The following CSMD1 variants were observed in gnomAD, a reference collection of about 807,000 sequenced individuals.
CSMD1 encodes CUB and sushi domain-containing protein 1.
CSMD1 carries 213 observed loss-of-function variants against 417.5 expected under a neutral mutation model. That is an observed-to-expected ratio of 0.51 (90% CI 0.46 to 0.57). The LOEUF (loss-of-function observed/expected upper bound fraction) is 0.57. Ranked by LOEUF, CSMD1 falls within the 20% of genes least tolerant of loss-of-function variation. The pLI is 0.00. For synonymous variants in CSMD1, 2,862 were observed against 1,736.8 expected, an observed-to-expected ratio of 1.65 and a Z score of -16.11; for missense variants, 6,923 against 4,529.7, an observed-to-expected ratio of 1.53 and a Z score of -15.17.
intron 3 of CSMD1, among the ~76,000 whole-genome samples, chr8:4,409,694 A>G (rs1213838971): frequency 6.6e-6 from 1 of 150,890 alleles, no homozygotes; most frequent in African/African-American, 2.4e-5. Flanking sequence ...GACAAAGCAC[A>G]GAGAAGGAGA....
intron 2 of CSMD1, among the ~76,000 whole-genome samples, chr8:4,504,817 A>AT (rs1342936385): frequency 6.6e-6 from 1 of 151,994 alleles, no homozygotes; most frequent in African/African-American, 2.4e-5. Flanking sequence ...TGAACTCATT[A>AT]TTTTTTATGG....
chr8:3,567,770 C>T (rs1046414511), intron 10 of CSMD1, among the ~76,000 whole-genome samples: 1 of 152,176 alleles, frequency 6.6e-6, no homozygotes, highest in Non-Finnish European at 1.5e-5. Flanking sequence ...GCCCCCTTCC[C>T]TCACACCCTC....
At chr8:4,220,356 A>G (rs1417629720) in intron 3 of CSMD1, among the ~76,000 whole-genome samples, 1 of 152,198 alleles carries the variant, frequency 6.6e-6, no homozygotes, top group African/African-American at 2.4e-5. Context: ...AGCAGGAAAG[A>G]GGACCACACC....
At chr8:3,382,117 G>T (rs1039273042) in intron 18 of CSMD1, among the ~76,000 whole-genome samples, 21 of 152,032 alleles carry the variant, frequency 1.4e-4, no homozygotes, top group South Asian at 8.3e-4. Flanking sequence ...AAATTAGCTG[G>T]GCATGGTGGT....
intron 3 of CSMD1, among the ~76,000 whole-genome samples, chr8:4,280,763 C>G: frequency 6.6e-6 from 1 of 152,230 alleles, no homozygotes. Flanking sequence ...TTTTTAAAAA[C>G]ATGTTACTAT....
At chr8:4,869,784 C>A (rs1191134737) in intron 1 of CSMD1, among the ~76,000 whole-genome samples, 1 of 152,034 alleles carries the variant, frequency 6.6e-6, no homozygotes, top group African/African-American at 2.4e-5. Context: ...ACTTACACAT[C>A]TGTTTCTTTA....
At chr8:3,550,641 CCTTT>C (rs1798870451) in intron 10 of CSMD1, among the ~76,000 whole-genome samples, 1 of 152,172 alleles carries the variant, frequency 6.6e-6, no homozygotes, top group Non-Finnish European at 1.5e-5. Context: ...AGTGCTGTTT[CCTTT>C]CTTACTGGTT....
chr8:2,945,794 C>A (rs1802191809), intron 68 of CSMD1, among the ~76,000 whole-genome samples: 1 of 152,002 alleles, frequency 6.6e-6, no homozygotes, highest in African/African-American at 2.4e-5. Flanking sequence ...GCAACCACAA[C>A]TGTTGCTGCC....
At chr8:4,402,703 A>C (rs574189986) in intron 3 of CSMD1, among the ~76,000 whole-genome samples, 3 of 152,126 alleles carry the variant, frequency 2.0e-5, no homozygotes, top group Admixed American at 6.5e-5. Flanking sequence ...AGCAATGTGA[A>C]AACAGCCGTC....
intron 18 of CSMD1, among the ~76,000 whole-genome samples, chr8:3,386,378 C>T (rs34854926): frequency 0.27 from 41,015 of 151,988 alleles, 5,811 homozygotes; most frequent in Admixed American, 0.3. Flanking sequence ...GCATTCCCAC[C>T]GGTTCCAGCT....
At chr8:3,314,159 T>C (rs999198433) in intron 23 of CSMD1, among the ~76,000 whole-genome samples, 3 of 152,132 alleles carry the variant, frequency 2.0e-5, no homozygotes, top group East Asian at 1.9e-4. Flanking sequence ...TTAGGAGATA[T>C]ACCTAATGTT....
chr8:3,859,736 G>C (rs1359120851), intron 5 of CSMD1, among the ~76,000 whole-genome samples: 1 of 152,022 alleles, frequency 6.6e-6, no homozygotes, highest in African/African-American at 2.4e-5. Flanking sequence ...CAGAAACCCG[G>C]GCAGTCTTCC....
chr8:3,541,345 G>A (rs527467427), intron 10 of CSMD1, among the ~76,000 whole-genome samples: 11 of 152,204 alleles, frequency 7.2e-5, no homozygotes, highest in South Asian at 6.2e-4. Context: ...ATGGACACAG[G>A]GAAAGGAACA....
chr8:4,469,595 C>T (rs1023350417), intron 2 of CSMD1, among the ~76,000 whole-genome samples: 1 of 152,146 alleles, frequency 6.6e-6, no homozygotes, highest in East Asian at 1.9e-4. Context: ...TTGGAGTGGT[C>T]TTTGACTCTG....
chr8:4,873,397 A>G (rs1325601345), intron 1 of CSMD1, among the ~76,000 whole-genome samples: 2 of 152,134 alleles, frequency 1.3e-5, no homozygotes, highest in East Asian at 1.9e-4. Context: ...ACTCCCGGAC[A>G]CTCAGCAGGA....
rs11987617 is a variant in CSMD1, at chr8:4,283,294, G to C, written c.415+136659C>G. 4.6e-3 allele frequency among the ~76,000 whole-genome samples: 706 copies of C among 152,232 alleles called. 5 individuals are homozygous for C. Among genetic ancestry groups the C allele is most frequent in the African/African-American group, 0.016 (650 of 41,554 alleles). ...TGCACATTTTCCATCTGTGACATTT[G>C]ATTTTGTTTATTGATTTGTAGCTTC... is the stretch of plus-strand genomic sequence containing the variant. On this transcript the variant is annotated intron_variant, in intron 3 of 69. Transcript: ENST00000635120.
chr8:4,638,050 A>G (rs1205064503), intron 1 of CSMD1, among the ~76,000 whole-genome samples: 1 of 152,220 alleles, frequency 6.6e-6, no homozygotes, highest in Admixed American at 6.5e-5. Context: ...TGAAAGATAG[A>G]GGACAACAAC....
At chr8:4,564,465 A>C (rs1171445501) in intron 2 of CSMD1, among the ~76,000 whole-genome samples, 2 of 152,184 alleles carry the variant, frequency 1.3e-5, no homozygotes, top group Admixed American at 6.5e-5. Context: ...GAGGGGCCTG[A>C]TCCTGGTTCA....
intron 10 of CSMD1, among the ~76,000 whole-genome samples, chr8:3,551,596 ATT>A (rs1194152215): frequency 0.014 from 1,603 of 113,290 alleles, 10 homozygotes; most frequent in African/African-American, 0.032. Flanking sequence ...ATATATATAT[ATT>A]TTTTTTTTTT....
Sources: allele counts gnomAD v4.1 joint callset (sites outside exome capture counted in the v4.1 genomes callset), GRCh38; gene constraint gnomAD v4.1.1; transcripts MANE v1.5; gene names NCBI Gene and HGNC (gene_info 2026-07-23, HGNC 2026-07-21).